Variants in ANO5 observed in about 807,000 individuals in gnomAD.
The protein encoded by ANO5 is anoctamin-5.
Under a neutral mutation model 121.0 loss-of-function variants are expected in ANO5, and 109 were observed. The observed-to-expected ratio is 0.90, with a 90% confidence interval of 0.77 to 1.06. The LOEUF (loss-of-function observed/expected upper bound fraction) is 1.06, where lower values mean the gene tolerates loss of function less well. Among genes scored for constraint, ANO5 ranks in the 50% least tolerant of loss-of-function variants. ANO5 has a pLI of 0.00. For missense variants in ANO5, 1,064 were observed against 1,078.5 expected (o/e 0.99, Z 0.19); for synonymous variants, 406 against 359.9 (o/e 1.13, Z -1.45).
At chr11:22,227,686 G>A (rs1852891512) in intron 7 of ANO5, 100 bp downstream of exon 7, 3 of 1,452,920 alleles carry the variant, frequency 2.1e-6, no homozygotes, top group Non-Finnish European at 2.9e-6. Context: ...TCTGCAAGGT[G>A]CTTCTGTATA....
At position 22,221,614 on chromosome 11, in the gene ANO5, A is replaced by G. The variant is rs566146758; in HGVS notation, c.294+404A>G. 4.3e-4 allele frequency among the ~76,000 whole-genome samples: 66 copies of G among 151,930 alleles called. 1 individual carries two copies. In the South Asian group the frequency reaches 0.011, roughly 26 times the overall value. On this transcript the variant is annotated intron_variant, in intron 5 of 21. Transcript: ENST00000324559. Reference sequence around the variant, plus strand: ...TGTACTCTATTCCTGATTCTATTTTATTTGTATTACACATCACTTTATGAG... The same window carrying G: ...TGTACTCTATTCCTGATTCTATTTTGTTTGTATTACACATCACTTTATGAG...
At chr11:22,213,590 A>G (rs1271146758) in intron 3 of ANO5, among the ~76,000 whole-genome samples, 1 of 151,828 alleles carries the variant, frequency 6.6e-6, no homozygotes, top group Non-Finnish European at 1.5e-5. Context: ...GCTTGAAGTA[A>G]TGTTTAGCAG....
At chr11:22,269,171 A>T (rs796521195) in intron 17 of ANO5, among the ~76,000 whole-genome samples, 1 of 146,308 alleles carries the variant, frequency 6.8e-6, no homozygotes, top group African/African-American at 2.6e-5. Context: ...AGGGATGGGA[A>T]GGGAAGAGAA....
At chr11:22,225,622 T>C (rs1852797564) in intron 5 of ANO5, among the ~76,000 whole-genome samples, 1 of 152,166 alleles carries the variant, frequency 6.6e-6, no homozygotes, top group Non-Finnish European at 1.5e-5. Flanking sequence ...ATTAAATGTA[T>C]AGTTTATTTG....
At chr11:22,275,165 G>A (rs954774423) in intron 20 of ANO5, among the ~76,000 whole-genome samples, 1 of 151,886 alleles carries the variant, frequency 6.6e-6, no homozygotes, top group Admixed American at 6.6e-5. Context: ...GAGTGAGACA[G>A]TGAAATATAA....
chr11:22,205,840 C>G (rs1016352726), intron 2 of ANO5, among the ~76,000 whole-genome samples: 20 of 152,094 alleles, frequency 1.3e-4, no homozygotes, highest in Non-Finnish European at 2.4e-4. Flanking sequence ...ACTAACAACT[C>G]TACACACATA....
chr11:22,279,460 A>ATAAG (rs1854991398), intron 21 of ANO5, 84 bp from the exon 22 acceptor site: 1 of 1,179,612 alleles, frequency 8.5e-7, no homozygotes, highest in African/African-American at 1.5e-5. Context: ...AGTTTCTTAA[A>ATAAG]TAAGTGAAAT....
chr11:22,253,054 T>C (rs915184704), intron 12 of ANO5, among the ~76,000 whole-genome samples: 4 of 152,170 alleles, frequency 2.6e-5, no homozygotes, highest in African/African-American at 9.6e-5. Context: ...ATATGGTATG[T>C]ATTCAAATAT....
intron 17 of ANO5, among the ~76,000 whole-genome samples, chr11:22,267,116 T>C (rs1374557556): frequency 6.6e-6 from 1 of 152,152 alleles, no homozygotes; most frequent in African/African-American, 2.4e-5. Context: ...GTTAAAGTTA[T>C]GCAAAAAGTA....
chr11:22,271,350 G>A (rs1854606232), intron 18 of ANO5, among the ~76,000 whole-genome samples: 1 of 152,032 alleles, frequency 6.6e-6, no homozygotes, highest in South Asian at 2.1e-4. Flanking sequence ...GCCCAGCCAG[G>A]AAAATAATTT....
At chr11:22,206,557 G>A (rs761723660) in intron 2 of ANO5, among the ~76,000 whole-genome samples, 4 of 152,034 alleles carry the variant, frequency 2.6e-5, no homozygotes, top group East Asian at 1.9e-4. Context: ...CAAGTGATCC[G>A]CCTACCTTGG....
intron 11 of ANO5, 33 bp downstream of exon 11, chr11:22,250,879 T>C (rs1280821705): frequency 6.2e-7 from 1 of 1,610,322 alleles, no homozygotes; most frequent in Non-Finnish European, 8.5e-7. Flanking sequence ...TGAAAAGACT[T>C]GGAATTTTCC....
At chr11:22,205,660 G>GA (rs1213329994) in intron 2 of ANO5, among the ~76,000 whole-genome samples, 8 of 151,998 alleles carry the variant, frequency 5.3e-5, no homozygotes, top group Non-Finnish European at 7.4e-5. Context: ...GAAAGTATTA[G>GA]AAAAAATCAT....
chr11:22,271,851 T>A, intron 18 of ANO5, among the ~76,000 whole-genome samples: 1 of 152,184 alleles, frequency 6.6e-6, no homozygotes, highest in East Asian at 1.9e-4. Flanking sequence ...TGCTTCTACA[T>A]AATACTTCCT....
intron 13 of ANO5, among the ~76,000 whole-genome samples, chr11:22,256,131 T>A (rs1853993250): frequency 6.6e-6 from 1 of 152,162 alleles, no homozygotes. Flanking sequence ...CAGCTATATG[T>A]TCTTGACTGA....
intron 7 of ANO5, among the ~76,000 whole-genome samples, chr11:22,233,617 G>T (rs974787713): frequency 6.6e-6 from 1 of 152,018 alleles, no homozygotes; most frequent in Non-Finnish European, 1.5e-5. Flanking sequence ...AAGTCAGACT[G>T]AGCCAAATCA....
In ANO5 at chr11:22,236,172, A is replaced by G; in HGVS notation, c.658A>G (p.Ile220Val). Residue 220 changes from isoleucine (I) to valine (V), a missense_variant, in exon 8 of 22, where the codon ATT becomes GTT. Coordinates refer to ENST00000324559, the MANE Select transcript of ANO5 (RefSeq NM_213599.3). The stretch of plus-strand genomic sequence containing the variant: ...TGCACTTACCTTGTAGGTGTACTAT[A>G]TTCTCTCAAGATGTCCTTTTGGCAT... ...SSSRNRIVYY[I>V]LSRCPFGIED... 1 of 1,609,942 alleles carries G rather than the reference A, an allele frequency of 6.2e-7. No homozygotes were observed. The highest frequency in any genetic ancestry group is 8.5e-7 in the Non-Finnish European group (1 of 1,176,500).
At chr11:22,228,045 A>T (rs1308302165) in intron 7 of ANO5, among the ~76,000 whole-genome samples, 1 of 152,058 alleles carries the variant, frequency 6.6e-6, no homozygotes, top group East Asian at 1.9e-4. Context: ...TTCATTTACA[A>T]CTATTTTCTG....
At chr11:22,276,633 T>A (rs1014641130) in intron 21 of ANO5, among the ~76,000 whole-genome samples, 1 of 151,768 alleles carries the variant, frequency 6.6e-6, no homozygotes, top group African/African-American at 2.4e-5. Flanking sequence ...ACATTAGCGC[T>A]GAGTCTCAAT....
Sources: allele counts gnomAD v4.1 joint callset (sites outside exome capture counted in the v4.1 genomes callset), GRCh38; gene constraint gnomAD v4.1.1; transcripts MANE v1.5; gene names NCBI Gene and HGNC (gene_info 2026-07-23, HGNC 2026-07-21).